CPNE4: variants seen among roughly 807,000 people sequenced by gnomAD.
CPNE4 encodes copine-4.
In CPNE4, 25 loss-of-function variants were observed where a neutral mutation model predicts 67.9. The ratio of observed to expected loss-of-function variants is 0.37; its 90% CI spans 0.27 to 0.51. The LOEUF (loss-of-function observed/expected upper bound fraction) is 0.51, where lower values mean the gene tolerates loss of function less well. CPNE4 is among the 20% of genes least tolerant of loss of function. CPNE4 has a pLI of 0.93. For synonymous variants in CPNE4, 242 were observed against 244.9 expected (o/e 0.99, Z 0.11); for missense variants, 464 against 690.8 (o/e 0.67, Z 3.68).
At chr3:131,832,505 C>T (rs2085413507) in intron 2 of CPNE4, among the ~76,000 whole-genome samples, 1 of 152,172 alleles carries the variant, frequency 6.6e-6, no homozygotes, top group African/African-American at 2.4e-5. Flanking sequence ...GTCAAGACAT[C>T]AAGCCAGAGA....
chr3:131,693,439 T>C (rs1032968764), intron 5 of CPNE4, among the ~76,000 whole-genome samples: 1 of 152,150 alleles, frequency 6.6e-6, no homozygotes, highest in African/African-American at 2.4e-5. Context: ...TATAATTATA[T>C]TTTCCAAACT....
intron 3 of CPNE4, among the ~76,000 whole-genome samples, chr3:131,714,028 G>C (rs2081622076): frequency 6.6e-6 from 1 of 152,166 alleles, no homozygotes; most frequent in Non-Finnish European, 1.5e-5. Context: ...GTAAGGGCAA[G>C]CTTTGCATGT....
intron 2 of CPNE4, among the ~76,000 whole-genome samples, chr3:131,802,349 A>G (rs1424089189): frequency 6.6e-6 from 1 of 152,148 alleles, no homozygotes; most frequent in African/African-American, 2.4e-5. Context: ...CTAACAAGGT[A>G]ATTCATACAG....
At chr3:131,782,494 G>C (rs140521658) in intron 2 of CPNE4, among the ~76,000 whole-genome samples, 8 of 151,740 alleles carry the variant, frequency 5.3e-5, no homozygotes, top group African/African-American at 1.9e-4. Context: ...GCACACACAT[G>C]CATACACACA....
In CPNE4 at chr3:131,687,873, A is replaced by T. The variant is rs532070455; in HGVS notation, c.508-1915T>A. On this transcript the variant is annotated intron_variant, in intron 5 of 15. Transcript: ENST00000429747. ...TGAGTGAATGAATGAATGAAGGTATAAGGAGTATTGAGGGAAGAGAGGGGA... is the reference window on the plus strand; with the variant it reads ...TGAGTGAATGAATGAATGAAGGTATTAGGAGTATTGAGGGAAGAGAGGGGA... Among the ~76,000 whole-genome samples the T allele has an allele frequency of 1.1e-4, 16 of 152,332 alleles. No individual in the cohort carries two copies. The South Asian group carries it at 3.1e-3, about 30-fold the overall frequency.
At chr3:131,605,300 G>T (rs1939434273) in intron 7 of CPNE4, among the ~76,000 whole-genome samples, 1 of 151,888 alleles carries the variant, frequency 6.6e-6, no homozygotes, top group South Asian at 2.1e-4. Flanking sequence ...TATTTTAGGT[G>T]CAGCTTTGTT....
intron 2 of CPNE4, among the ~76,000 whole-genome samples, chr3:131,729,422 TA>T (rs1185183585): frequency 6.6e-6 from 1 of 152,180 alleles, no homozygotes; most frequent in Non-Finnish European, 1.5e-5. Context: ...AAAAGTTAGA[TA>T]ATAAAATGAA....
chr3:131,850,469 T>G (rs1326447892), intron 2 of CPNE4, among the ~76,000 whole-genome samples: 1 of 152,118 alleles, frequency 6.6e-6, no homozygotes, highest in East Asian at 1.9e-4. Flanking sequence ...AAGTAGGGAA[T>G]GTAGAACACC....
At chr3:131,853,464 G>A (rs2086315483) in intron 2 of CPNE4, among the ~76,000 whole-genome samples, 1 of 151,798 alleles carries the variant, frequency 6.6e-6, no homozygotes, top group African/African-American at 2.4e-5. Flanking sequence ...ACTATAAAAT[G>A]TCAAGGAGAA....
chr3:131,883,526 A>G (rs2087760287), intron 2 of CPNE4, among the ~76,000 whole-genome samples: 1 of 152,186 alleles, frequency 6.6e-6, no homozygotes, highest in Non-Finnish European at 1.5e-5. Context: ...ACGATCTATC[A>G]CAAGCAGTTG....
intron 1 of CPNE4, among the ~76,000 whole-genome samples, chr3:131,920,437 A>G (rs1332469164): frequency 1.3e-5 from 2 of 151,968 alleles, no homozygotes; most frequent in Non-Finnish European, 2.9e-5. Flanking sequence ...CTTACATGCT[A>G]TAGCTATTAG....
chr3:131,914,424 T>C (rs72991386), intron 1 of CPNE4, among the ~76,000 whole-genome samples: 1,954 of 152,176 alleles, frequency 0.013, 31 homozygotes, highest in African/African-American at 0.043. Context: ...CTCCTCCCCT[T>C]CTCTCTAAGT....
chr3:131,683,630 G>T (rs1053827771), intron 6 of CPNE4, among the ~76,000 whole-genome samples: 3 of 152,138 alleles, frequency 2.0e-5, no homozygotes, highest in Admixed American at 2.0e-4. Flanking sequence ...CACCTGAGGG[G>T]TGGTGCAGGC....
intron 2 of CPNE4, among the ~76,000 whole-genome samples, chr3:131,876,514 C>T (rs1344353368): frequency 1.3e-5 from 2 of 150,928 alleles, no homozygotes; most frequent in East Asian, 2.0e-4. Context: ...TGGTGGCGGG[C>T]GCCTGTAGTC....
intron 4 of CPNE4, among the ~76,000 whole-genome samples, chr3:131,698,738 C>T (rs1413830803): frequency 6.6e-6 from 1 of 151,398 alleles, no homozygotes; most frequent in African/African-American, 2.4e-5. Flanking sequence ...AGTGAAACTC[C>T]ATCTCTACTA....
intron 2 of CPNE4, among the ~76,000 whole-genome samples, chr3:131,876,665 G>C (rs1280207364): frequency 7.7e-6 from 1 of 130,184 alleles, no homozygotes; most frequent in African/African-American, 3.1e-5. Flanking sequence ...AAGAAAGAAA[G>C]AAAGAGACAT....
At chr3:131,586,770 G>C (rs181525379) in intron 8 of CPNE4, among the ~76,000 whole-genome samples, 6 of 149,372 alleles carry the variant, frequency 4.0e-5, no homozygotes, top group African/African-American at 1.2e-4. Context: ...CTGTCTGTCT[G>C]TCTAGATATT....
chr3:131,662,066 G>T (rs1050467540), intron 7 of CPNE4, among the ~76,000 whole-genome samples: 3 of 152,000 alleles, frequency 2.0e-5, no homozygotes, highest in African/African-American at 4.8e-5. Flanking sequence ...GAGCTAGAAG[G>T]TTTGCTAGAA....
intron 2 of CPNE4, among the ~76,000 whole-genome samples, chr3:131,809,903 T>C (rs998354948): frequency 3.3e-5 from 5 of 151,990 alleles, no homozygotes; most frequent in African/African-American, 9.7e-5. Context: ...GACAAAAATC[T>C]TCTTTTGCAA....
Sources: gnomAD v4.1 joint callset for allele counts (sites outside exome capture counted in the v4.1 genomes callset) on GRCh38, gnomAD v4.1.1 for gene constraint, MANE v1.5 for transcripts, NCBI Gene and HGNC (gene_info 2026-07-23, HGNC 2026-07-21) for gene names.